Variants in CNTD1 observed in about 807,000 individuals in gnomAD.
CNTD1 encodes cyclin N-terminal domain-containing protein 1.
Under a neutral mutation model 36.3 loss-of-function variants are expected in CNTD1, and 17 were observed. The observed-to-expected ratio is 0.47, with a 90% CI of 0.32 to 0.70. The LOEUF (loss-of-function observed/expected upper bound fraction) is 0.70, where lower values mean the gene tolerates loss of function less well. CNTD1 is among the 30% of genes least tolerant of loss of function. CNTD1 has a pLI of 0.03. For missense variants in CNTD1, 338 were observed against 386.1 expected (o/e 0.88, Z 1.04); for synonymous variants, 128 against 153.3 (o/e 0.83, Z 1.22).
At chr17:42,799,310 T>G in intron 1 of CNTD1, 74 bp downstream of exon 1, 1 of 1,446,426 alleles carries the variant, frequency 6.9e-7, no homozygotes, top group East Asian at 2.4e-5. Context: ...GACCTTGAGA[T>G]TCCGTTGATT....
At position 42,806,686 on chromosome 17, in the gene CNTD1, G is replaced by A; in HGVS notation, c.593G>A (p.Cys198Tyr). Reference protein sequence around the residue: ...TLLEVLGYNGCLVPAMRLHAT... With the variant: ...TLLEVLGYNGYLVPAMRLHAT... ...ATACTCCATCTAGGATACAATGGCT[G>A]TTTGGTTCCAGCCATGAGGCTGCAT... Residue 198 changes from cysteine to tyrosine, a missense_variant, in exon 5 of 7, where the codon TGT becomes TAT. Physicochemically the swap from Cys to Tyr is radical, Grantham distance 194. Transcript: ENST00000588408. The A allele has an allele frequency of 6.2e-7, 1 of 1,614,082 alleles. No homozygotes were observed. Among genetic ancestry groups the A allele is most frequent in the South Asian group, 1.1e-5 (1 of 91,076 alleles).
chr17:42,799,276 TG>T, intron 1 of CNTD1, 40 bp downstream of exon 1: 1 of 1,578,486 alleles, frequency 6.3e-7, no homozygotes, highest in Non-Finnish European at 8.6e-7. Flanking sequence ...CTTGGGAGAC[TG>T]GGGCTTGTGT....
intron 1 of CNTD1, among the ~76,000 whole-genome samples, chr17:42,801,645 G>A (rs1386510757): frequency 1.4e-5 from 2 of 148,140 alleles, no homozygotes; most frequent in Non-Finnish European, 3.0e-5. Flanking sequence ...TAAAAGAAGT[G>A]TTCTTGTAGA....
Position 42,798,962 on chromosome 17 carries a change from G to A in CNTD1, c.-106G>A, listed in dbSNP as rs1264415319. ...ACTTGAGGCGACGACACACTCATTG[G>A]AAGGGGACGAGGAATCCAGGGTGTG... On this transcript the variant is annotated 5_prime_UTR_variant, in exon 1 of 7. Coordinates refer to ENST00000588408, the MANE Select transcript of CNTD1 (RefSeq NM_173478.3). 2 of 1,494,008 alleles carry A rather than the reference G, an allele frequency of 1.3e-6. No individual in the cohort carries two copies. The highest frequency in any genetic ancestry group is 4.8e-5 in the Admixed American group (2 of 41,462). The allele number at this position is 1,494,008 out of a possible 1,614,324, so 92.5% of individuals were successfully genotyped here. A position where few individuals can be genotyped will look rare whatever the true frequency, so the allele number is the denominator to read the frequency against.
intron 2 of CNTD1, 43 bp from the exon 3 acceptor site, chr17:42,804,182 T>C: frequency 3.8e-6 from 6 of 1,561,832 alleles, no homozygotes; most frequent in Non-Finnish European, 5.2e-6. Flanking sequence ...TCCCTTTAGT[T>C]TGTGTGAGTG....
At position 42,807,810 on chromosome 17, in the gene CNTD1, A is replaced by G. The variant is rs1464749135; in HGVS notation, c.768A>G (p.Ala256=). ...TSVKEDFMLL[A]VGIIAASAFI... is the part of the protein sequence containing the mutation. Reference sequence around the variant, plus strand: ...TGAAGGAAGACTTCATGCTGTTGGCAGTAGGAATCATTGCAGCAAGTGCTT... The same window carrying G: ...TGAAGGAAGACTTCATGCTGTTGGCGGTAGGAATCATTGCAGCAAGTGCTT... Residue 256 remains alanine, a synonymous_variant, in exon 6 of 7, where the codon GCA becomes GCG. Coordinates refer to ENST00000588408, the MANE Select transcript of CNTD1 (RefSeq NM_173478.3). 2.5e-6 allele frequency: 4 copies of G among 1,614,078 alleles called. No individual in the cohort carries two copies. Among genetic ancestry groups the G allele is most frequent in the Non-Finnish European group, 3.4e-6 (4 of 1,180,006 alleles).
chr17:42,810,680 C>T lies in CNTD1; in HGVS notation c.*1145C>T, dbSNP rs1366935228. The T allele has an allele frequency of 2.8e-6, 4 of 1,430,834 alleles. No individual in the cohort carries two copies. The highest frequency in any genetic ancestry group is 1.4e-5 in the African/African-American group (1 of 69,426). The allele number at this position is 1,430,834 out of a possible 1,614,324, so 88.6% of individuals were successfully genotyped here. On this transcript the variant is annotated 3_prime_UTR_variant, in exon 7 of 7. Transcript: ENST00000588408. ...TGTAAACATGTACTGTTTAATATTACCCGAATTTAATTTAAAACATGTTTG... is the reference window on the plus strand; with the variant it reads ...TGTAAACATGTACTGTTTAATATTATCCGAATTTAATTTAAAACATGTTTG...
At chr17:42,801,508 AAAATATATATATATATATATATATAT>A (rs1165387431) in intron 1 of CNTD1, among the ~76,000 whole-genome samples, 4 of 50,978 alleles carry the variant, frequency 7.8e-5, no homozygotes, top group Non-Finnish European at 6.0e-5. Flanking sequence ...AAAAAAAAAA[AAAATATATATATATATATATATATAT>A]ATATATATAT....
intron 5 of CNTD1, 112 bp downstream of exon 5, chr17:42,806,930 T>G (rs2054889124): frequency 1.1e-6 from 1 of 938,560 alleles, no homozygotes; most frequent in African/African-American, 1.6e-5. Context: ...CCAGATAACC[T>G]ACTCAGGCTA....
At position 42,809,388 on chromosome 17, in the gene CNTD1, C is replaced by G; in HGVS notation, c.846C>G (p.Ile282Met). 3 of 1,613,646 alleles carry G rather than the reference C, an allele frequency of 1.9e-6. No individual in the cohort carries two copies. The highest frequency in any genetic ancestry group is 2.5e-6 in the Non-Finnish European group (3 of 1,179,718). Residue 282 changes from isoleucine (I) to methionine (M), a missense_variant, in exon 7 of 7, where the codon ATC (isoleucine) becomes ATG (methionine). Coordinates refer to ENST00000588408, the MANE Select transcript of CNTD1 (RefSeq NM_173478.3). ...WSQVVGHLQSITGIALASIAE... is the reference protein window; with the variant it reads ...WSQVVGHLQSMTGIALASIAE... ...AGGTTGTGGGGCATTTGCAGAGCAT[C>G]ACTGGTATTGCCTTGGCAAGCATTG...
chr17:42,810,065 T>C lies in CNTD1; in HGVS notation c.*530T>C, dbSNP rs2054960474. 6.6e-6 allele frequency: 1 copy of C among 152,210 alleles called. No individual in the cohort carries two copies. 9.4% of individuals were successfully genotyped at this position (152,210 alleles called of 1,614,324 possible). A position where few individuals can be genotyped will look rare whatever the true frequency, so the allele number is the denominator to read the frequency against. ...CAGAATTTCCACATACCTGCATTCA[T>C]TAGAACTTGATTCTCCCAGAATACA... is the stretch of plus-strand genomic sequence containing the variant. On this transcript the variant is annotated 3_prime_UTR_variant, in exon 7 of 7. Coordinates refer to ENST00000588408, the MANE Select transcript of CNTD1 (RefSeq NM_173478.3).
chr17:42,809,464 G>A lies in CNTD1; in HGVS notation c.922G>A (p.Gly308Arg). The change falls in exon 7 of 7, where the codon GGG becomes AGG. Residue 308 changes from glycine to arginine, a missense_variant. Gly to Arg is a moderately radical substitution (Grantham distance 125). Transcript: ENST00000588408. ...TCACGGAGTGGGAGCCAACACTCCGGGGAGACAGCAGTCTATTCCTCCCCA... is the reference window on the plus strand; with the variant it reads ...TCACGGAGTGGGAGCCAACACTCCGAGGAGACAGCAGTCTATTCCTCCCCA... Reference protein sequence around the residue: ...LTHGVGANTPGRQQSIPPHLA... With the variant: ...LTHGVGANTPRRQQSIPPHLA... 6.2e-7 allele frequency: 1 copy of A among 1,614,112 alleles called. No homozygotes were observed. Among genetic ancestry groups the A allele is most frequent in the Non-Finnish European group, 8.5e-7 (1 of 1,179,962 alleles).
intron 1 of CNTD1, among the ~76,000 whole-genome samples, chr17:42,799,752 C>CAAAA (rs780393099): frequency 0.02 from 207 of 10,586 alleles, 51 homozygotes; most frequent in African/African-American, 0.044. Context: ...AACTCCGTCT[C>CAAAA]AAAAAAAAAA....
rs761759039 is a variant in CNTD1, at chr17:42,806,830, C to A, written c.725+12C>A. The A allele has an allele frequency of 2.5e-6, 4 of 1,613,616 alleles. No individual in the cohort carries two copies. The highest frequency in any genetic ancestry group is 1.1e-5 in the South Asian group (1 of 91,058). ...AGTCAGCTGCAAGGGTAAGACAACT[C>A]CTATAGGGTAGGCTCCTTCCAGGAA... On this transcript the variant is annotated intron_variant, in intron 5 of 6. Coordinates refer to ENST00000588408, the MANE Select transcript of CNTD1 (RefSeq NM_173478.3).
At position 42,809,659 on chromosome 17, in the gene CNTD1, T is replaced by C. The variant is rs2054952050; in HGVS notation, c.*124T>C. 3.6e-6 allele frequency: 3 copies of C among 824,412 alleles called. No homozygotes were observed. The highest frequency in any genetic ancestry group is 6.1e-5 in the Admixed American group (2 of 32,668). The allele number at this position is 824,412 out of a possible 1,614,324, so 51.1% of individuals were successfully genotyped here. The stretch of plus-strand genomic sequence containing the variant: ...TTTTGAACTGTATTTTGTATGCCAA[T>C]TTCATGCTTATTTTTCCTTTATCAG... On this transcript the variant is annotated 3_prime_UTR_variant, in exon 7 of 7. Transcript: ENST00000588408.
In CNTD1 at chr17:42,799,045, G is replaced by A. The variant is rs1365973502; in HGVS notation, c.-23G>A. The A allele has an allele frequency of 1.9e-6, 3 of 1,612,444 alleles. No homozygotes were observed. The highest frequency in any genetic ancestry group is 2.5e-6 in the Non-Finnish European group (3 of 1,179,258). ...TATGTGGATCCAGTGAACCCGTCCA[G>A]GTGCCCCAAGAGGCTCGTGAATATG... On this transcript the variant is annotated 5_prime_UTR_variant, in exon 1 of 7. Transcript: ENST00000588408.
intron 5 of CNTD1, 88 bp downstream of exon 5, chr17:42,806,906 C>A: frequency 1.6e-6 from 2 of 1,270,462 alleles, no homozygotes; most frequent in Non-Finnish European, 2.2e-6. Context: ...ATTAGCCTAG[C>A]ATGGCATCCA....
intron 6 of CNTD1, 36 bp downstream of exon 6, chr17:42,807,900 T>C: frequency 6.8e-7 from 1 of 1,460,306 alleles, no homozygotes; most frequent in Non-Finnish European, 9.6e-7. Flanking sequence ...ATGGTGAGAA[T>C]TCATTTAACA....
In CNTD1 at chr17:42,811,403, G is replaced by A; in HGVS notation, c.*1868G>A. On this transcript the variant is annotated 3_prime_UTR_variant, in exon 7 of 7. Coordinates refer to ENST00000588408, the MANE Select transcript of CNTD1 (RefSeq NM_173478.3). ...GGAAAAACCTTCTTGAAACTGGAGA[G>A]GAGGCTTGAGCTCTATGCCAAGAAA... 1 of 384,780 alleles carries A rather than the reference G, an allele frequency of 2.6e-6. No individual in the cohort carries two copies. Among genetic ancestry groups the A allele is most frequent in the Non-Finnish European group, 4.6e-6 (1 of 218,872 alleles). The allele number at this position is 384,780 out of a possible 1,614,324, so 23.8% of individuals were successfully genotyped here. A position where few individuals can be genotyped will look rare whatever the true frequency, so the allele number is the denominator to read the frequency against.
Sources: gnomAD v4.1 joint callset for allele counts (sites outside exome capture counted in the v4.1 genomes callset) on GRCh38, gnomAD v4.1.1 for gene constraint, MANE v1.5 for transcripts, NCBI Gene and HGNC (gene_info 2026-07-23, HGNC 2026-07-21) for gene names.